ZNF521: variants seen among roughly 807,000 people sequenced by gnomAD.
ZNF521 encodes LYST-interacting protein 3.
Under a neutral mutation model 105.5 loss-of-function variants are expected in ZNF521, and 14 were observed. The observed-to-expected ratio is 0.13, with a 90% CI of 0.09 to 0.21. ZNF521 has a LOEUF of 0.21. ZNF521 is among the 10% of genes least tolerant of loss of function. The pLI, the probability that ZNF521 is intolerant of heterozygous loss-of-function variation, is 1.00. For missense variants in ZNF521, 1,233 were observed against 1,629.7 expected (o/e 0.76, Z 4.19); for synonymous variants, 635 against 606.0 (o/e 1.05, Z -0.70).
At chr18:25,214,958 G>A (rs371254231) in intron 4 of ZNF521, among the ~76,000 whole-genome samples, 3 of 152,092 alleles carry the variant, frequency 2.0e-5, no homozygotes, top group African/African-American at 4.8e-5. Context: ...GCAGAATGAC[G>A]AGGCGAAAGA....
intron 3 of ZNF521, among the ~76,000 whole-genome samples, chr18:25,243,471 T>C (rs1030919154): frequency 3.3e-5 from 5 of 152,192 alleles, no homozygotes; most frequent in Non-Finnish European, 7.3e-5. Context: ...AAATTACTTG[T>C]TCAGAACTGG....
chr18:25,146,122 G>T (rs67298107), intron 5 of ZNF521, among the ~76,000 whole-genome samples: 26,382 of 152,068 alleles, frequency 0.17, 2,389 homozygotes, highest in Middle Eastern at 0.26. Context: ...TCTTTGCAAG[G>T]TTGTGTCACT....
chr18:25,135,674 C>A (rs1004008163), intron 5 of ZNF521, among the ~76,000 whole-genome samples: 5 of 152,048 alleles, frequency 3.3e-5, no homozygotes, highest in African/African-American at 1.2e-4. Flanking sequence ...TGGGGGACTC[C>A]TTGTTGATGA....
chr18:25,292,608 C>A (rs558934176), intron 3 of ZNF521, among the ~76,000 whole-genome samples: 1 of 152,138 alleles, frequency 6.6e-6, no homozygotes, highest in South Asian at 2.1e-4. Flanking sequence ...TTAAGAAATA[C>A]AAGATATAGT....
At chr18:25,263,912 T>C (rs2144907125) in intron 3 of ZNF521, among the ~76,000 whole-genome samples, 1 of 152,352 alleles carries the variant, frequency 6.6e-6, no homozygotes, top group Non-Finnish European at 1.5e-5. Flanking sequence ...TATGTAAGAA[T>C]GAATAAATAG....
chr18:25,238,250 A>T (rs1050237858), intron 3 of ZNF521, among the ~76,000 whole-genome samples: 7 of 152,104 alleles, frequency 4.6e-5, no homozygotes, highest in African/African-American at 1.4e-4. Context: ...TTTCTCTTTT[A>T]AAAAAAATTC....
At chr18:25,219,770 T>C (rs768131178) in intron 4 of ZNF521, among the ~76,000 whole-genome samples, 2 of 152,114 alleles carry the variant, frequency 1.3e-5, no homozygotes, top group Admixed American at 6.6e-5. Flanking sequence ...TGAGCCATGA[T>C]TGGACCACTG....
intron 5 of ZNF521, among the ~76,000 whole-genome samples, chr18:25,157,084 A>T (rs2035159310): frequency 6.6e-6 from 1 of 152,102 alleles, no homozygotes; most frequent in Non-Finnish European, 1.5e-5. Context: ...CTGCAGTCCC[A>T]GCTACCCGGG....
intron 5 of ZNF521, among the ~76,000 whole-genome samples, chr18:25,094,829 A>G (rs886957939): frequency 2.0e-5 from 3 of 152,086 alleles, no homozygotes; most frequent in Non-Finnish European, 4.4e-5. Flanking sequence ...TATTACCTCA[A>G]GGTCAAATGT....
At chr18:25,083,412 G>T (rs2033546645) in intron 7 of ZNF521, among the ~76,000 whole-genome samples, 1 of 152,152 alleles carries the variant, frequency 6.6e-6, no homozygotes, top group Admixed American at 6.5e-5. Flanking sequence ...AAATAATGAT[G>T]AATCTGGATT....
intron 4 of ZNF521, among the ~76,000 whole-genome samples, chr18:25,196,871 C>A (rs2035910820): frequency 6.6e-6 from 1 of 151,784 alleles, no homozygotes; most frequent in Non-Finnish European, 1.5e-5. Flanking sequence ...TAGCATTATT[C>A]CTGATATGTG....
intron 3 of ZNF521, among the ~76,000 whole-genome samples, chr18:25,316,904 G>C (rs998089535): frequency 3.4e-5 from 5 of 145,288 alleles, no homozygotes; most frequent in African/African-American, 1.3e-4. Context: ...GCCTAGGCTA[G>C]AGAGCAATGA....
rs954256426 is a variant in ZNF521 at position 25,273,146 on chromosome 18, G to A, written c.221-45449C>T. On this transcript the variant is annotated intron_variant, in intron 3 of 7. Transcript: ENST00000361524. ...GGGGGCTAAGGCAGGAGAATCACTT[G>A]AGCCCAGGATACGAAGGTTGCAGTG... Among the ~76,000 whole-genome samples the A allele has an allele frequency of 1.0e-4, 14 of 135,210 alleles. 1 individual carries two copies. Among genetic ancestry groups the A allele is most frequent in the African/African-American group, 3.6e-4 (13 of 35,674 alleles). The allele number at this position is 135,210 out of a possible 152,430, so 88.7% of individuals were successfully genotyped here. A position where few individuals can be genotyped will look rare whatever the true frequency, so the allele number is the denominator to read the frequency against.
At chr18:25,342,621 G>A (rs943376991) in intron 2 of ZNF521, among the ~76,000 whole-genome samples, 2 of 150,464 alleles carry the variant, frequency 1.3e-5, no homozygotes, top group African/African-American at 4.9e-5. Flanking sequence ...GTAGAGACGG[G>A]GTTTCACCGT....
chr18:25,349,136 A>G (rs1366728452), intron 2 of ZNF521, among the ~76,000 whole-genome samples: 1 of 151,810 alleles, frequency 6.6e-6, no homozygotes, highest in Non-Finnish European at 1.5e-5. Context: ...TTTCCACCGG[A>G]CAGGCACTAA....
chr18:25,282,428 A>C (rs1364548831), intron 3 of ZNF521, among the ~76,000 whole-genome samples: 2 of 152,154 alleles, frequency 1.3e-5, no homozygotes, highest in Non-Finnish European at 2.9e-5. Context: ...TTCACACCCA[A>C]GCCTTAGGGG....
At chr18:25,162,874 T>G (rs2035274528) in intron 5 of ZNF521, among the ~76,000 whole-genome samples, 1 of 152,216 alleles carries the variant, frequency 6.6e-6, no homozygotes, top group Non-Finnish European at 1.5e-5. Context: ...GATTTTTTTT[T>G]TGTCTGTAGT....
intron 3 of ZNF521, among the ~76,000 whole-genome samples, chr18:25,307,526 T>A (rs1200250666): frequency 6.6e-6 from 1 of 152,176 alleles, no homozygotes; most frequent in Non-Finnish European, 1.5e-5. Context: ...TTTAAGCTCT[T>A]GGCATTGCCT....
intron 2 of ZNF521, among the ~76,000 whole-genome samples, chr18:25,326,887 TTTG>T (rs1214772317): frequency 6.6e-6 from 1 of 152,170 alleles, no homozygotes; most frequent in East Asian, 1.9e-4. Flanking sequence ...TTCCTAACAG[TTTG>T]TTCTCTGATC....
Sources: allele counts gnomAD v4.1 joint callset (sites outside exome capture counted in the v4.1 genomes callset), GRCh38; gene constraint gnomAD v4.1.1; transcripts MANE v1.5; gene names NCBI Gene and HGNC (gene_info 2026-07-23, HGNC 2026-07-21).